The following MEGF11 variants were observed in gnomAD, a reference collection of about 807,000 sequenced individuals.
MEGF11 encodes multiple EGF like domains 11, also known as multiple epidermal growth factor-like domains protein 11.
A neutral mutation model predicts 146.6 loss-of-function variants in MEGF11; 126 were observed. That is an observed-to-expected ratio of 0.86 (90% CI 0.74 to 1.00). The LOEUF (loss-of-function observed/expected upper bound fraction) is 1.00. Ranked by LOEUF, MEGF11 falls within the 50% of genes least tolerant of loss-of-function variation. The pLI, the probability that MEGF11 is intolerant of heterozygous loss-of-function variation, is 0.00. For synonymous variants in MEGF11, 532 were observed against 583.4 expected (o/e 0.91, Z 1.27); for missense variants, 1,509 against 1,521.2 (o/e 0.99, Z 0.13).
At chr15:65,973,939 T>A (rs1421483909) in intron 7 of MEGF11, among the ~76,000 whole-genome samples, 1 of 152,184 alleles carries the variant, frequency 6.6e-6, no homozygotes, top group Non-Finnish European at 1.5e-5. Flanking sequence ...CTTGTGGTAT[T>A]ATATAACTTA....
chr15:65,966,275 T>G (rs1301619726), intron 8 of MEGF11, among the ~76,000 whole-genome samples: 1 of 152,240 alleles, frequency 6.6e-6, no homozygotes, highest in Non-Finnish European at 1.5e-5. Context: ...ATTACAGGCA[T>G]GAGCCACCTT....
At chr15:66,129,199 G>A (rs1364074834) in intron 1 of MEGF11, among the ~76,000 whole-genome samples, 1 of 152,212 alleles carries the variant, frequency 6.6e-6, no homozygotes, top group Non-Finnish European at 1.5e-5. Flanking sequence ...CCTCACAGAG[G>A]GCAGACAACC....
intron 1 of MEGF11, among the ~76,000 whole-genome samples, chr15:66,232,778 G>A (rs1240394986): frequency 6.6e-6 from 1 of 152,160 alleles, no homozygotes; most frequent in East Asian, 1.9e-4. Flanking sequence ...CGTGTGCCAG[G>A]CCCTGTGCCA....
At chr15:66,225,163 G>A (rs910209391) in intron 1 of MEGF11, among the ~76,000 whole-genome samples, 1 of 152,232 alleles carries the variant, frequency 6.6e-6, no homozygotes, top group Admixed American at 6.5e-5. Flanking sequence ...TGAGTGGCCT[G>A]GCATGGATTC....
Position 65,964,999 on chromosome 15 carries a change from C to T in MEGF11, c.1021G>A (p.Gly341Ser), listed in dbSNP as rs1417831051. 9 of 1,569,866 alleles carry T rather than the reference C, an allele frequency of 5.7e-6. No individual in the cohort carries two copies. The highest frequency in any genetic ancestry group is 7.8e-6 in the Non-Finnish European group (9 of 1,157,660). The change falls in exon 9 of 26, where the codon GGC becomes AGC. Residue 341 changes from glycine to serine, a missense_variant. Gly to Ser is a moderately conservative substitution (Grantham distance 56). Coordinates refer to ENST00000395614, the MANE Select transcript of MEGF11 (RefSeq NM_001385028.1). ...GACECEPGYK[G>S]PRCQERLCPE... Reference sequence around the variant, plus strand: ...CACAGTCGCTCCTGGCAGCGTGGGCCCTTGTAGCCAGGCTCACACTCGCAG... The same window carrying T: ...CACAGTCGCTCCTGGCAGCGTGGGCTCTTGTAGCCAGGCTCACACTCGCAG...
rs547081453 is a variant in MEGF11 at position 65,976,584 on chromosome 15, C to T, written c.762+4194G>A. 2.0e-5 allele frequency among the ~76,000 whole-genome samples: 3 copies of T among 152,328 alleles called. No individual in the cohort carries two copies. The South Asian group carries it at 6.2e-4, about 32-fold the overall frequency. ...AGAGGCTCAGAAGGAACCAACGCTG[C>T]CGACACCTTGATCTTGGACTTTCAG... On this transcript the variant is annotated intron_variant, in intron 7 of 25. Transcript: ENST00000395614.
At chr15:66,230,494 C>A (rs924490603) in intron 1 of MEGF11, among the ~76,000 whole-genome samples, 5 of 152,180 alleles carry the variant, frequency 3.3e-5, no homozygotes, top group African/African-American at 9.7e-5. Context: ...TATAAGCATA[C>A]TAATAATGAT....
intron 1 of MEGF11, among the ~76,000 whole-genome samples, chr15:66,146,049 G>C (rs943162454): frequency 1.3e-5 from 2 of 152,062 alleles, no homozygotes; most frequent in Non-Finnish European, 2.9e-5. Flanking sequence ...AAAAGCCCCT[G>C]GGTGTTGTGT....
At chr15:65,948,349 C>G (rs2141423066) in intron 10 of MEGF11, among the ~76,000 whole-genome samples, 1 of 152,218 alleles carries the variant, frequency 6.6e-6, no homozygotes, top group Admixed American at 6.5e-5. Flanking sequence ...AAGCCCTGAG[C>G]ATTCTTCCAG....
At chr15:66,098,406 G>A (rs2086642807) in intron 4 of MEGF11, among the ~76,000 whole-genome samples, 1 of 152,122 alleles carries the variant, frequency 6.6e-6, no homozygotes, top group Non-Finnish European at 1.5e-5. Flanking sequence ...AGGTGCCTGT[G>A]GTCATATATT....
chr15:66,070,039 C>T (rs1385025339), intron 5 of MEGF11, among the ~76,000 whole-genome samples: 3 of 152,200 alleles, frequency 2.0e-5, no homozygotes, highest in Admixed American at 2.0e-4. Context: ...CTCCTCTTTC[C>T]CTTTTCTCCA....
intron 24 of MEGF11, 97 bp from the exon 25 acceptor site, chr15:65,899,031 T>G (rs1408788253): frequency 4.9e-6 from 6 of 1,214,286 alleles, no homozygotes; most frequent in Non-Finnish European, 7.0e-6. Context: ...GCCTTCAGGA[T>G]CTTAGAGCTG....
intron 5 of MEGF11, among the ~76,000 whole-genome samples, chr15:66,076,618 A>T (rs2085596886): frequency 6.6e-6 from 1 of 152,126 alleles, no homozygotes; most frequent in East Asian, 1.9e-4. Context: ...TGTGGAGGGC[A>T]TGGCTGCTCC....
intron 13 of MEGF11, among the ~76,000 whole-genome samples, chr15:65,924,383 G>A (rs1410813620): frequency 7.7e-6 from 1 of 130,186 alleles, no homozygotes; most frequent in Non-Finnish European, 1.6e-5. Flanking sequence ...TGGGGGGGGG[G>A]GCAAGTGGTT....
At chr15:66,181,496 T>A (rs2090547191) in intron 1 of MEGF11, among the ~76,000 whole-genome samples, 1 of 152,224 alleles carries the variant, frequency 6.6e-6, no homozygotes, top group Admixed American at 6.5e-5. Flanking sequence ...ACATAAGGAC[T>A]TTGCGGTCAT....
intron 1 of MEGF11, among the ~76,000 whole-genome samples, chr15:66,253,355 T>C (rs1015963850): frequency 8.5e-5 from 13 of 152,112 alleles, no homozygotes; most frequent in Admixed American, 6.5e-4. Context: ...GCTGCCCACA[T>C]TGAGGCGCCC....
intron 1 of MEGF11, among the ~76,000 whole-genome samples, chr15:66,172,556 A>C (rs2090289531): frequency 6.6e-6 from 1 of 152,070 alleles, no homozygotes; most frequent in Non-Finnish European, 1.5e-5. Context: ...TGAAGATCAC[A>C]GCTCCCATCA....
At chr15:66,111,668 A>G (rs2140863051) in intron 4 of MEGF11, among the ~76,000 whole-genome samples, 1 of 152,300 alleles carries the variant, frequency 6.6e-6, no homozygotes, top group Non-Finnish European at 1.5e-5. Context: ...TGAACATGCT[A>G]CCCACCAACC....
intron 8 of MEGF11, among the ~76,000 whole-genome samples, chr15:65,965,812 A>C (rs1273352877): frequency 6.6e-6 from 1 of 151,734 alleles, no homozygotes; most frequent in Non-Finnish European, 1.5e-5. Flanking sequence ...ATTTTGTTAT[A>C]GCAGCATGAG....
Sources: allele counts gnomAD v4.1 joint callset (sites outside exome capture counted in the v4.1 genomes callset), GRCh38; gene constraint gnomAD v4.1.1; transcripts MANE v1.5; gene names NCBI Gene and HGNC (gene_info 2026-07-23, HGNC 2026-07-21).